Variants in RPN2 observed in about 807,000 individuals in gnomAD.
The protein encoded by RPN2 is dolichyl-diphosphooligosaccharide--protein glycosyltransferase subunit 2.
RPN2 carries 29 observed loss-of-function variants against 71.4 expected under a neutral mutation model. The observed-to-expected ratio is 0.41, with a 90% CI of 0.30 to 0.55. The LOEUF is 0.55. RPN2 is among the 20% of genes least tolerant of loss of function. The pLI, the probability that RPN2 is intolerant of heterozygous loss-of-function variation, is 0.35. For missense variants in RPN2, 726 were observed against 774.1 expected (o/e 0.94, Z 0.74); for synonymous variants, 308 against 305.0 (o/e 1.01, Z -0.10).
intron 2 of RPN2, among the ~76,000 whole-genome samples, chr20:37,190,127 G>A (rs2067110520): frequency 6.6e-6 from 1 of 152,182 alleles, no homozygotes; most frequent in South Asian, 2.1e-4. Context: ...TTCGGTGTAG[G>A]GGGTCACGGA....
At chr20:37,196,928 G>A (rs1304974828) in intron 2 of RPN2, among the ~76,000 whole-genome samples, 5 of 152,136 alleles carry the variant, frequency 3.3e-5, no homozygotes, top group East Asian at 1.9e-4. Context: ...AGTGTGGTAC[G>A]TGCTTTGGGG....
At chr20:37,231,370 AAAAAAC>A (rs761709707) in intron 13 of RPN2, among the ~76,000 whole-genome samples, 1 of 151,678 alleles carries the variant, frequency 6.6e-6, no homozygotes, top group Non-Finnish European at 1.5e-5. Flanking sequence ...AGGAAAAAAC[AAAAAAC>A]AAAAAAAAAA....
At chr20:37,213,926 G>T in intron 9 of RPN2, 61 bp downstream of exon 9, 1 of 1,200,882 alleles carries the variant, frequency 8.3e-7, no homozygotes, top group Non-Finnish European at 1.2e-6. Context: ...TGGCCAAATT[G>T]ACACAGTATT....
chr20:37,232,942 T>C (rs1482181857), intron 14 of RPN2, among the ~76,000 whole-genome samples: 1 of 152,102 alleles, frequency 6.6e-6, no homozygotes, highest in Non-Finnish European at 1.5e-5. Context: ...TGGCTGGGTG[T>C]GGTGGCTCAT....
At chr20:37,197,206 A>C (rs948463793) in intron 2 of RPN2, among the ~76,000 whole-genome samples, 2 of 152,160 alleles carry the variant, frequency 1.3e-5, no homozygotes, top group Non-Finnish European at 2.9e-5. Context: ...TCTTGAGGGC[A>C]TTTCATGCTG....
chr20:37,211,664 CAG>C, intron 8 of RPN2, among the ~76,000 whole-genome samples: 1 of 147,132 alleles, frequency 6.8e-6, no homozygotes, highest in Non-Finnish European at 1.5e-5. Flanking sequence ...AAAAAAAAAT[CAG>C]GGTATGCTTT....
intron 7 of RPN2, among the ~76,000 whole-genome samples, chr20:37,208,566 G>A (rs188317337): frequency 6.6e-6 from 1 of 152,190 alleles, no homozygotes; most frequent in African/African-American, 2.4e-5. Flanking sequence ...AATTAATTCT[G>A]GTGTTTATGG....
At chr20:37,229,136 A>G (rs1361518206) in intron 12 of RPN2, among the ~76,000 whole-genome samples, 1 of 152,248 alleles carries the variant, frequency 6.6e-6, no homozygotes. Context: ...CTGAATTCTG[A>G]TAACAATTCA....
chr20:37,226,717 T>C (rs988739506), intron 11 of RPN2, among the ~76,000 whole-genome samples: 1 of 152,138 alleles, frequency 6.6e-6, no homozygotes, highest in African/African-American at 2.4e-5. Flanking sequence ...AAAATTATTA[T>C]TTAAAAGATT....
intron 8 of RPN2, among the ~76,000 whole-genome samples, chr20:37,212,524 G>A (rs946738956): frequency 2.0e-5 from 3 of 150,942 alleles, no homozygotes; most frequent in Non-Finnish European, 2.9e-5. Context: ...TCTGTTGCCT[G>A]GGCTGGAATG....
intron 11 of RPN2, 128 bp from the exon 12 acceptor site, chr20:37,228,422 C>A (rs1310383042): frequency 6.4e-5 from 56 of 879,408 alleles, no homozygotes; most frequent in Admixed American, 4.2e-4. Flanking sequence ...TGGGGCAGGT[C>A]TGGCAGATCC....
intron 16 of RPN2, chr20:37,238,570 C>T (rs2068466137): frequency 2.9e-5 from 22 of 760,932 alleles, no homozygotes; most frequent in Non-Finnish European, 4.5e-5. Flanking sequence ...CTCCCTAAGC[C>T]ACAGCTGAAT....
chr20:37,191,494 C>T lies in RPN2; in HGVS notation c.208-6903C>T, dbSNP rs561581193. On this transcript the variant is annotated intron_variant, in intron 2 of 16. Transcript: ENST00000237530. The stretch of plus-strand genomic sequence containing the variant: ...CCTGTCTCAAAAAAAAGGCCAGGCG[C>T]GGTGGCTCACACGTGTAATCCCAGT... Among the ~76,000 whole-genome samples the T allele has an allele frequency of 1.3e-4, 19 of 151,926 alleles. No individual in the cohort carries two copies. The Middle Eastern group carries it at 0.014, about 109-fold the overall frequency.
At chr20:37,193,207 C>T (rs1474883720) in intron 2 of RPN2, among the ~76,000 whole-genome samples, 2 of 152,158 alleles carry the variant, frequency 1.3e-5, no homozygotes, top group African/African-American at 4.8e-5. Context: ...TCCTTAAGGG[C>T]AGGGACTTTG....
intron 2 of RPN2, among the ~76,000 whole-genome samples, chr20:37,194,295 CTT>C (rs2067208418): frequency 6.6e-6 from 1 of 151,934 alleles, no homozygotes; most frequent in Non-Finnish European, 1.5e-5. Flanking sequence ...AAGTTTCGCT[CTT>C]GTCACCCAGG....
At chr20:37,239,836 C>G (rs1280097938) in intron 16 of RPN2, among the ~76,000 whole-genome samples, 1 of 152,144 alleles carries the variant, frequency 6.6e-6, no homozygotes, top group East Asian at 1.9e-4. Flanking sequence ...TATAGTCACT[C>G]TGTCTGAGAT....
chr20:37,227,778 C>T (rs868005243), intron 11 of RPN2, among the ~76,000 whole-genome samples: 2 of 152,192 alleles, frequency 1.3e-5, no homozygotes, highest in African/African-American at 4.8e-5. Context: ...TGTGCAGACA[C>T]CTTGGTTTCT....
At chr20:37,239,388 T>A (rs1296834210) in intron 16 of RPN2, among the ~76,000 whole-genome samples, 2 of 152,204 alleles carry the variant, frequency 1.3e-5, no homozygotes, top group Non-Finnish European at 1.5e-5. Flanking sequence ...GTATTTGAAT[T>A]TTCAAGTCAT....
At chr20:37,198,961 G>A in intron 3 of RPN2, 89 bp from the exon 4 acceptor site, 1 of 1,046,632 alleles carries the variant, frequency 9.6e-7, no homozygotes, top group Non-Finnish European at 1.5e-6. Flanking sequence ...AGGTGACTTT[G>A]GCAGCTGCTC....
Sources: allele counts gnomAD v4.1 joint callset (sites outside exome capture counted in the v4.1 genomes callset), GRCh38; gene constraint gnomAD v4.1.1; transcripts MANE v1.5; gene names NCBI Gene and HGNC (gene_info 2026-07-23, HGNC 2026-07-21).